ABLIM2: variants seen among roughly 807,000 people sequenced by gnomAD.
The protein encoded by ABLIM2 is actin-binding LIM protein 2.
In ABLIM2, 53 loss-of-function variants were observed where a neutral mutation model predicts 97.7. The ratio of observed to expected loss-of-function variants is 0.54; its 90% CI spans 0.44 to 0.68. ABLIM2 has a LOEUF of 0.68. Among genes scored for constraint, ABLIM2 ranks in the 30% least tolerant of loss-of-function variants. ABLIM2 has a pLI of 0.00. For synonymous variants in ABLIM2, 361 were observed against 345.8 expected, an observed-to-expected ratio of 1.04 and a Z score of -0.49; for missense variants, 835 against 867.2, an observed-to-expected ratio of 0.96 and a Z score of 0.47.
In ABLIM2 at chr4:8,004,159, C is replaced by T. The variant is rs1416351211; in HGVS notation, c.1618+3900G>A. 1.3e-5 allele frequency among the ~76,000 whole-genome samples: 2 copies of T among 151,926 alleles called. No individual in the cohort carries two copies. The highest frequency in any genetic ancestry group is 4.8e-5 in the African/African-American group (2 of 41,352). ...GCAGCAGGGTCGCTGTCTCCTAACC[C>T]TCCCTCCCAACGGGCTCCGAGACCA... On this transcript the variant is annotated intron_variant, in intron 16 of 20. Transcript: ENST00000447017. This position sits in a 1 kb window ranked among gnomAD's most constrained non-coding sequence, Gnocchi z 5.9.
chr4:8,153,469 G>A lies in ABLIM2; in HGVS notation c.10+5211C>T, dbSNP rs549463786. 8.5e-5 allele frequency among the ~76,000 whole-genome samples: 13 copies of A among 152,330 alleles called. No individual in the cohort carries two copies. The South Asian group carries it at 2.7e-3, about 32-fold the overall frequency. Reference sequence around the variant, plus strand: ...ACCAGGTTAAGCGGAGACTGCCAATGCCTGGGCAACGGCAGTCCTCTCCAG... The same window carrying A: ...ACCAGGTTAAGCGGAGACTGCCAATACCTGGGCAACGGCAGTCCTCTCCAG... On this transcript the variant is annotated intron_variant, in intron 1 of 20. Transcript: ENST00000447017.
chr4:8,080,813 G>C lies in ABLIM2; in HGVS notation c.455-11C>G. 1 of 1,601,662 alleles carries C rather than the reference G, an allele frequency of 6.2e-7. No individual in the cohort carries two copies. Among genetic ancestry groups the C allele is most frequent in the Non-Finnish European group, 8.5e-7 (1 of 1,172,328 alleles). ...CGCAGCCCCCACAACCTGGAAGAAA[G>C]AGAAGAGAACACAGACACCCCCACC... On this transcript the variant is annotated splice_polypyrimidine_tract_variant and intron_variant, in intron 4 of 20. Transcript: ENST00000447017.
intron 16 of ABLIM2, among the ~76,000 whole-genome samples, chr4:7,997,169 T>G (rs1335067483): frequency 6.6e-6 from 1 of 152,142 alleles, no homozygotes. Flanking sequence ...TCTCCCAGGT[T>G]CAAGCGATTC....
rs1383249218 is a variant in ABLIM2 at position 7,996,900 on chromosome 4, C to A, written c.1619-3973G>T. ...CCCCTCTGTTTTTTCTCTCTGGTTG[C>A]TTTCAACATTTTTTTCTTTGTCCTT... On this transcript the variant is annotated intron_variant, in intron 16 of 20. Transcript: ENST00000447017. The surrounding 1 kb of genome is among the most constrained non-coding windows in gnomAD (Gnocchi z 4.5). Among the ~76,000 whole-genome samples, 1 of 152,016 alleles carries A rather than the reference C, an allele frequency of 6.6e-6. No individual in the cohort carries two copies. The highest frequency in any genetic ancestry group is 1.5e-5 in the Non-Finnish European group (1 of 67,986).
chr4:8,008,310 C>T lies in ABLIM2; in HGVS notation c.1477-110G>A, dbSNP rs1762688375. 3.7e-6 allele frequency: 4 copies of T among 1,081,970 alleles called. No homozygotes were observed. The Admixed American group carries it at 1.0e-4, about 28-fold the overall frequency. 67.0% of individuals were successfully genotyped at this position (1,081,970 alleles called of 1,614,324 possible). A position where few individuals can be genotyped will look rare whatever the true frequency, so the allele number is the denominator to read the frequency against. On this transcript the variant is annotated intron_variant, in intron 15 of 20. Coordinates refer to ENST00000447017, the MANE Select transcript of ABLIM2 (RefSeq NM_001130083.2). ...TTACTTCTAACATACGAGCTGACCC[C>T]ACTGTGAGAAAACTCAATATGTGAG...
chr4:8,085,835 C>A lies in ABLIM2; in HGVS notation c.454+2334G>T, dbSNP rs1823216144. ...GGAATTCAGCCTGCGTCTCCAGTTT[C>A]AGAACCAAGGCCACCTTGGACAGCC... is the stretch of plus-strand genomic sequence containing the variant. On this transcript the variant is annotated intron_variant, in intron 4 of 20. Coordinates refer to ENST00000447017, the MANE Select transcript of ABLIM2 (RefSeq NM_001130083.2). The surrounding 1 kb of genome is among the most constrained non-coding windows in gnomAD (Gnocchi z 6.1). Among the ~76,000 whole-genome samples the A allele has an allele frequency of 6.6e-6, 1 of 152,240 alleles. No individual in the cohort carries two copies. Among genetic ancestry groups the A allele is most frequent in the Non-Finnish European group, 1.5e-5 (1 of 68,040 alleles).
rs1328216895 is a variant in ABLIM2, at chr4:7,986,886, GT to G, written c.1681-1994del. Among the ~76,000 whole-genome samples the G allele has an allele frequency of 6.6e-6, 1 of 152,182 alleles. No homozygotes were observed. Among genetic ancestry groups the G allele is most frequent in the African/African-American group, 2.4e-5 (1 of 41,438 alleles). ...TGGGTTTCACATGTTGGCTAAGCTG[GT>G]CTCGAACTCCTGACCTCAGGTGATC... On this transcript the variant is annotated intron_variant, in intron 17 of 20. Coordinates refer to ENST00000447017, the MANE Select transcript of ABLIM2 (RefSeq NM_001130083.2). This position sits in a 1 kb window ranked among gnomAD's most constrained non-coding sequence, Gnocchi z 4.3.
intron 9 of ABLIM2, among the ~76,000 whole-genome samples, chr4:8,041,792 T>C (rs1265990895): frequency 1.3e-5 from 2 of 151,822 alleles, no homozygotes; most frequent in Non-Finnish European, 2.9e-5. Context: ...TTGTCCCAGC[T>C]ACTCGGGAGG....
rs367658061 is a variant in ABLIM2, at chr4:7,985,402, T to C, written c.1681-509A>G. Among the ~76,000 whole-genome samples the C allele has an allele frequency of 2.0e-5, 3 of 152,118 alleles. No homozygotes were observed. The South Asian group carries it at 6.2e-4, about 31-fold the overall frequency. Reference sequence around the variant, plus strand: ...GAGCCCCAGGGTCCACCCTGGGCCCTCTGTTCCCTGCAAGATGGCCAAGGG... The same window carrying C: ...GAGCCCCAGGGTCCACCCTGGGCCCCCTGTTCCCTGCAAGATGGCCAAGGG... On this transcript the variant is annotated intron_variant, in intron 17 of 20. Coordinates refer to ENST00000447017, the MANE Select transcript of ABLIM2 (RefSeq NM_001130083.2).
At position 8,147,550 on chromosome 4, in the gene ABLIM2, G is replaced by C. The variant is rs1261681366; in HGVS notation, c.10+11130C>G. On this transcript the variant is annotated intron_variant, in intron 1 of 20. Coordinates refer to ENST00000447017, the MANE Select transcript of ABLIM2 (RefSeq NM_001130083.2). This position sits in a 1 kb window ranked among gnomAD's most constrained non-coding sequence, Gnocchi z 5.3. Reference sequence around the variant, plus strand: ...GCAATCTCAAGAGTCCTTATGGGGAGGAGGGAGCGGGAGACGACACACACA... The same window carrying C: ...GCAATCTCAAGAGTCCTTATGGGGACGAGGGAGCGGGAGACGACACACACA... 1.3e-5 allele frequency among the ~76,000 whole-genome samples: 2 copies of C among 152,182 alleles called. No individual in the cohort carries two copies. Among genetic ancestry groups the C allele is most frequent in the South Asian group, 2.1e-4 (1 of 4,830 alleles).
At position 8,157,564 on chromosome 4, in the gene ABLIM2, G is replaced by A. The variant is rs549500579; in HGVS notation, c.10+1116C>T. On this transcript the variant is annotated intron_variant, in intron 1 of 20. Coordinates refer to ENST00000447017, the MANE Select transcript of ABLIM2 (RefSeq NM_001130083.2). Reference sequence around the variant, plus strand: ...GGAGGGAGACAATCTCCCCAGGGAGGGGAGTCCCTGGCCCTTAGCCCCCGC... The same window carrying A: ...GGAGGGAGACAATCTCCCCAGGGAGAGGAGTCCCTGGCCCTTAGCCCCCGC... Among the ~76,000 whole-genome samples, 10 of 152,346 alleles carry A rather than the reference G, an allele frequency of 6.6e-5. No homozygotes were observed. The East Asian group carries it at 1.9e-3, about 29-fold the overall frequency.
Position 8,044,807 on chromosome 4 carries a change from C to A in ABLIM2, c.900+357G>T, listed in dbSNP as rs1468106394. On this transcript the variant is annotated intron_variant, in intron 9 of 20. Coordinates refer to ENST00000447017, the MANE Select transcript of ABLIM2 (RefSeq NM_001130083.2). The surrounding 1 kb of genome is among the most constrained non-coding windows in gnomAD (Gnocchi z 4.4). Reference sequence around the variant, plus strand: ...ACAGATCCGTGCCGTTATTTGCAAACTCTGCAGGGTCCCGCCTGGGTGTCT... The same window carrying A: ...ACAGATCCGTGCCGTTATTTGCAAAATCTGCAGGGTCCCGCCTGGGTGTCT... Among the ~76,000 whole-genome samples, 1 of 152,180 alleles carries A rather than the reference C, an allele frequency of 6.6e-6. No homozygotes were observed. Among genetic ancestry groups the A allele is most frequent in the Non-Finnish European group, 1.5e-5 (1 of 68,046 alleles).
chr4:8,086,169 G>A (rs1823460268), intron 4 of ABLIM2, among the ~76,000 whole-genome samples: 1 of 151,864 alleles, frequency 6.6e-6, no homozygotes, highest in Non-Finnish European at 1.5e-5. Flanking sequence ...TACATTATTA[G>A]TTATCTAGGG....
Position 7,986,294 on chromosome 4 carries a change from G to A in ABLIM2, c.1681-1401C>T, listed in dbSNP as rs1744013908. Among the ~76,000 whole-genome samples the A allele has an allele frequency of 1.3e-5, 2 of 152,160 alleles. No individual in the cohort carries two copies. The highest frequency in any genetic ancestry group is 2.9e-5 in the Non-Finnish European group (2 of 68,018). ...GAGCTGGTTACAGCCTAGAGAGCAC[G>A]AGAGCAGGAAGACCTCAGAGGGCAC... is the stretch of plus-strand genomic sequence containing the variant. On this transcript the variant is annotated intron_variant, in intron 17 of 20. Coordinates refer to ENST00000447017, the MANE Select transcript of ABLIM2 (RefSeq NM_001130083.2). This position sits in a 1 kb window ranked among gnomAD's most constrained non-coding sequence, Gnocchi z 4.3.
Position 8,091,558 on chromosome 4 carries a change from T to TATATA in ABLIM2, c.339-3279_339-3275dup, listed in dbSNP as rs547152173. Among the ~76,000 whole-genome samples the TATATA allele has an allele frequency of 6.2e-4, 25 of 40,472 alleles. 1 individual carries two copies. The highest frequency in any genetic ancestry group is 5.2e-3 in the African/African-American group (23 of 4,400). 26.6% of individuals were successfully genotyped at this position (40,472 alleles called of 152,430 possible). On this transcript the variant is annotated intron_variant, in intron 3 of 20. Transcript: ENST00000447017. Reference sequence around the variant, plus strand: ...AAATTATATATAATATTTATAATTATATATATTATATATAATTTTATATAA... The same window carrying TATATA: ...AAATTATATATAATATTTATAATTATATATAATATATTATATATAATTTTATATAA...
At chr4:8,090,490 C>T (rs572329062) in intron 3 of ABLIM2, among the ~76,000 whole-genome samples, 10 of 152,190 alleles carry the variant, frequency 6.6e-5, no homozygotes, top group Non-Finnish European at 8.8e-5. Context: ...ATTGTATTTC[C>T]TCAACTTTAT....
At chr4:8,034,669 G>A (rs1342988977) in intron 10 of ABLIM2, among the ~76,000 whole-genome samples, 1 of 97,968 alleles carries the variant, frequency 1.0e-5, no homozygotes, top group Non-Finnish European at 2.1e-5. Context: ...GGTGCAGGTG[G>A]GTGGGTGCAG....
At position 8,068,488 on chromosome 4, in the gene ABLIM2, C is replaced by T. The variant is rs966745647; in HGVS notation, c.676-7434G>A. On this transcript the variant is annotated intron_variant, in intron 6 of 20. Coordinates refer to ENST00000447017, the MANE Select transcript of ABLIM2 (RefSeq NM_001130083.2). The surrounding 1 kb of genome is among the most constrained non-coding windows in gnomAD (Gnocchi z 4.5). ...GGACAGAGGTGTGGCAAAGCTGTCC[C>T]GCCTCCAGAAACCCCTCCTGTCCCA... Among the ~76,000 whole-genome samples the T allele has an allele frequency of 3.3e-5, 5 of 152,152 alleles. No homozygotes were observed. Among genetic ancestry groups the T allele is most frequent in the Admixed American group, 6.5e-5 (1 of 15,280 alleles).
intron 7 of ABLIM2, among the ~76,000 whole-genome samples, chr4:8,060,248 G>A (rs114943804): frequency 9.0e-4 from 137 of 152,250 alleles, no homozygotes; most frequent in African/African-American, 3.1e-3. Flanking sequence ...GAGAAGCTAT[G>A]AGCTAAAAAG....
Sources: gnomAD v4.1 joint callset for allele counts (sites outside exome capture counted in the v4.1 genomes callset) on GRCh38, gnomAD v4.1.1 for gene constraint, Gnocchi (gnomAD v3.1) non-coding constraint, MANE v1.5 for transcripts, NCBI Gene and HGNC (gene_info 2026-07-23, HGNC 2026-07-21) for gene names.